Variants in TSR3 observed in about 807,000 individuals in gnomAD.
TSR3 encodes TSR3 ribosome maturation factor.
Under a neutral mutation model 28.1 loss-of-function variants are expected in TSR3, and 31 were observed. The observed-to-expected ratio is 1.10, with a 90% CI of 0.83 to 1.49. The LOEUF is 1.49. Ranked by LOEUF, TSR3 falls within the 40% of genes most tolerant of loss-of-function variation. The probability of loss-of-function intolerance (pLI) is 0.00; values close to 1 mark genes in which losing one functional copy is unlikely to be tolerated. For synonymous variants in TSR3, 219 were observed against 197.2 expected (o/e 1.11, Z -0.93); for missense variants, 511 against 444.0 (o/e 1.15, Z -1.36).
intron 3 of TSR3, among the ~76,000 whole-genome samples, chr16:1,350,588 C>T (rs1197063887): frequency 1.3e-5 from 2 of 152,198 alleles, no homozygotes; most frequent in South Asian, 4.1e-4. Context: ...CCCCACACAC[C>T]GGCCCTGATA....
chr16:1,351,069 G>T, intron 2 of TSR3, 69 bp from the exon 3 acceptor site: 1 of 1,502,190 alleles, frequency 6.7e-7, no homozygotes, highest in Non-Finnish European at 9.1e-7. Flanking sequence ...CCCGGAGAAT[G>T]GCCTAGCTAA....
intron 2 of TSR3, 151 bp from the exon 3 acceptor site, chr16:1,351,151 G>C: frequency 1.0e-6 from 1 of 956,612 alleles, no homozygotes; most frequent in Non-Finnish European, 1.5e-6. Flanking sequence ...TTTTGAGGCA[G>C]CTGCTTGGGG....
At position 1,351,443 on chromosome 16, in the gene TSR3, C is replaced by G. The variant is rs1164697562; in HGVS notation, c.268G>C (p.Gly90Arg). ...AGCACCAGACCGCCGAATCTGTGGCCCAGGCGCAGGCAGCGCACCAGCCCC... is the reference window on the plus strand; with the variant it reads ...AGCACCAGACCGCCGAATCTGTGGCGCAGGCGCAGGCAGCGCACCAGCCCC... ...RLGLVRCLRL[G>R]HRFGGLVLSP... The change falls in exon 2 of 6, where the codon GGC (glycine) becomes CGC (arginine). Residue 90 changes from glycine to arginine, a missense_variant. Gly to Arg is a moderately radical substitution (Grantham distance 125, BLOSUM62 -2). Transcript: ENST00000007390. 2 of 1,594,924 alleles carry G rather than the reference C, an allele frequency of 1.3e-6. No homozygotes were observed. Among genetic ancestry groups the G allele is most frequent in the Non-Finnish European group, 1.7e-6 (2 of 1,178,464 alleles).
At chr16:1,351,043 C>G (rs756097061) in intron 2 of TSR3, 43 bp from the exon 3 acceptor site, 40 of 1,585,390 alleles carry the variant, frequency 2.5e-5, no homozygotes, top group Non-Finnish European at 3.3e-5. Context: ...CCAGCACTAC[C>G]CAAGGTGGAG....
Position 1,349,306 on chromosome 16 carries a change from T to C in TSR3, c.*131A>G. ...ACACAGAGCACAGCTGTGCTGGAAG[T>C]GTGGGGAGAACCCGGACAGCTCAGT... On this transcript the variant is annotated 3_prime_UTR_variant, in exon 6 of 6. Coordinates refer to ENST00000007390, the MANE Select transcript of TSR3 (RefSeq NM_001001410.3). The C allele has an allele frequency of 1.0e-6, 1 of 988,762 alleles. No individual in the cohort carries two copies. The allele number at this position is 988,762 out of a possible 1,614,324, so 61.2% of individuals were successfully genotyped here.
chr16:1,351,658 A>G (rs772713427), intron 1 of TSR3, 35 bp downstream of exon 1: 1 of 1,412,070 alleles, frequency 7.1e-7, no homozygotes, highest in Non-Finnish European at 9.2e-7. Context: ...AGGCCCTCAA[A>G]CCCTGACCCG....
At position 1,350,873 on chromosome 16, in the gene TSR3, C is replaced by T. The variant is rs755260594; in HGVS notation, c.460G>A (p.Val154Met). Residue 154 changes from valine to methionine, a missense_variant, in exon 3 of 6, where the codon GTG becomes ATG. Physicochemically the swap from Val to Met is conservative, Grantham distance 21. Transcript: ENST00000007390. Reference protein sequence around the residue: ...LLPYLVAANPVNYGRPYRLSC... With the variant: ...LLPYLVAANPMNYGRPYRLSC... ...AGTCTGTAGGGCCGGCCATAGTTCA[C>T]GGGGTTGGCGGCCACCAGGTAGGGC... The T allele has an allele frequency of 2.5e-6, 4 of 1,613,056 alleles. No homozygotes were observed. The highest frequency in any genetic ancestry group is 3.4e-6 in the Non-Finnish European group (4 of 1,179,996).
At position 1,350,204 on chromosome 16, in the gene TSR3, C is replaced by G; in HGVS notation, c.557G>C (p.Arg186Pro). 1 of 1,602,634 alleles carries G rather than the reference C, an allele frequency of 6.2e-7. No individual in the cohort carries two copies. Among genetic ancestry groups the G allele is most frequent in the East Asian group, 2.2e-5 (1 of 44,812 alleles). Reference sequence around the variant, plus strand: ...GAAGCCCTTGCCCCATTTAAACTTCCGCAGCAAAATGACAGCAAGGTCTGG... The same window carrying G: ...GAAGCCCTTGCCCCATTTAAACTTCGGCAGCAAAATGACAGCAAGGTCTGG... ...GFPDLAVILL[R>P]KFKWGKGFLD... The change falls in exon 4 of 6, where the codon CGG becomes CCG. Residue 186 changes from arginine (R) to proline (P), a missense_variant. Physicochemically the swap from Arg to Pro is moderately radical, Grantham distance 103 (BLOSUM62 -2). Coordinates refer to ENST00000007390, the MANE Select transcript of TSR3 (RefSeq NM_001001410.3).
chr16:1,350,776 G>A, intron 3 of TSR3, 31 bp downstream of exon 3: 1 of 1,598,598 alleles, frequency 6.3e-7, no homozygotes, highest in Non-Finnish European at 8.6e-7. Context: ...CAGGCCGCCG[G>A]GTCACACTGC....
In TSR3 at chr16:1,349,332, C is replaced by A. The variant is rs995940225; in HGVS notation, c.*105G>T. ...GTGGGGAGAACCCGGACAGCTCAGT[C>A]CTGCCAGCAGCCGCAAAGAGCCGAG... On this transcript the variant is annotated 3_prime_UTR_variant, in exon 6 of 6. Transcript: ENST00000007390. The A allele has an allele frequency of 6.1e-6, 8 of 1,320,528 alleles. No homozygotes were observed. The highest frequency in any genetic ancestry group is 8.7e-6 in the Non-Finnish European group (8 of 915,146). 81.8% of individuals were successfully genotyped at this position (1,320,528 alleles called of 1,614,324 possible).
In TSR3 at chr16:1,350,259, C is replaced by G. The variant is rs551816175; in HGVS notation, c.527-25G>C. 282 of 1,566,508 alleles carry G rather than the reference C, an allele frequency of 1.8e-4. 5 individuals carry two copies. The South Asian group carries it at 3.1e-3, about 17-fold the overall frequency. ...CCTGACGGTGTGAGAAACAGGAAACCCAAAGAAGTCGACGGTCCCCTCAAG... is the reference window on the plus strand; with the variant it reads ...CCTGACGGTGTGAGAAACAGGAAACGCAAAGAAGTCGACGGTCCCCTCAAG... On this transcript the variant is annotated intron_variant, in intron 3 of 5. Transcript: ENST00000007390.
In TSR3 at chr16:1,351,701, G is replaced by C. The variant is rs547587708; in HGVS notation, c.104C>G (p.Ala35Gly). 2 of 1,375,590 alleles carry C rather than the reference G, an allele frequency of 1.5e-6. No homozygotes were observed. The highest frequency in any genetic ancestry group is 3.8e-5 in the Admixed American group (1 of 26,484). The allele number at this position is 1,375,590 out of a possible 1,614,324, so 85.2% of individuals were successfully genotyped here. Reference sequence around the variant, plus strand: ...CATCACGCCTCGCTCACCCTGCAGCGCGGCGCCGACCTCCTCGGCGAAGGC... The same window carrying C: ...CATCACGCCTCGCTCACCCTGCAGCCCGGCGCCGACCTCCTCGGCGAAGGC... Reference protein sequence around the residue: ...LEAFAEEVGAALQASVEPGAA... With the variant: ...LEAFAEEVGAGLQASVEPGAA... The change falls in exon 1 of 6, where the codon GCG becomes GGG. Residue 35 changes from alanine to glycine, a missense_variant. Ala to Gly is a moderately conservative substitution (Grantham distance 60). Transcript: ENST00000007390.
At chr16:1,351,272 C>CACGTGGGTGTGG (rs1349005624) in intron 2 of TSR3, 107 bp downstream of exon 2, 3 of 1,251,206 alleles carry the variant, frequency 2.4e-6, no homozygotes, top group Non-Finnish European at 3.3e-6. Context: ...GTTCCCTGCC[C>CACGTGGGTGTGG]ACGTGGGTGT....
chr16:1,349,650 C>T, intron 5 of TSR3, 42 bp from the exon 6 acceptor site: 2 of 1,551,090 alleles, frequency 1.3e-6, no homozygotes, highest in Non-Finnish European at 8.7e-7. Flanking sequence ...GACGTCCTCC[C>T]TGGCTAGCTG....
Position 1,350,852 on chromosome 16 carries a change from T to G in TSR3, c.481A>C (p.Arg161=). 1.2e-6 allele frequency: 2 copies of G among 1,612,976 alleles called. No individual in the cohort carries two copies. Among genetic ancestry groups the G allele is most frequent in the South Asian group, 2.2e-5 (2 of 91,082 alleles). ...GCAAACGCTTCCACGCAGGAAAGTCTGTAGGGCCGGCCATAGTTCACGGGG... is the reference window on the plus strand; with the variant it reads ...GCAAACGCTTCCACGCAGGAAAGTCGGTAGGGCCGGCCATAGTTCACGGGG... The part of the protein sequence containing the change: ...ANPVNYGRPY[R]LSCVEAFAAT... Residue 161 remains arginine (R), a synonymous_variant, in exon 3 of 6, where the codon AGA becomes CGA. Transcript: ENST00000007390.
rs769692337 is a variant in TSR3, at chr16:1,349,461, T to A, written c.915A>T (p.Gly305=). The A allele has an allele frequency of 2.0e-5, 32 of 1,613,586 alleles. No homozygotes were observed. In the South Asian group the frequency reaches 3.0e-4, roughly 15 times the overall value. The change falls in exon 6 of 6, where the codon GGA becomes GGT. Residue 305 remains glycine (G), a synonymous_variant. Coordinates refer to ENST00000007390, the MANE Select transcript of TSR3 (RefSeq NM_001001410.3). ...EARAPAEVWK[G]IKKRQRD The stretch of plus-strand genomic sequence containing the variant: ...CTCAGTCTCTCTGCCGTTTCTTGAT[T>A]CCTTTCCAAACCTCAGCCGGGGCCC...
chr16:1,351,580 GC>G lies in TSR3; in HGVS notation c.130del (p.Ala44ArgfsTer55), dbSNP rs1169861747. 3 of 1,474,122 alleles carry G rather than the reference GC, an allele frequency of 2.0e-6. No individual in the cohort carries two copies. Among genetic ancestry groups the G allele is most frequent in the East Asian group, 2.9e-5 (1 of 33,988 alleles). The allele number at this position is 1,474,122 out of a possible 1,614,324, so 91.3% of individuals were successfully genotyped here. On this transcript the variant is annotated frameshift_variant, in exon 2 of 6. Transcript: ENST00000007390. LOFTEE classifies it high-confidence loss of function. ...GCCCGGGCCGCCCTCGCCGTCAGCC[GC>G]CCCTGGCTCCACGGAAGCTGCACGA... ...AALQASVEPG[A>X]ADGEGGPGPA...
At position 1,351,829 on chromosome 16, in the gene TSR3, C is replaced by T. The variant is rs1032389243; in HGVS notation, c.-25G>A. 6 of 1,292,692 alleles carry T rather than the reference C, an allele frequency of 4.6e-6. No individual in the cohort carries two copies. In the Admixed American group the frequency reaches 1.3e-4, roughly 28 times the overall value. The allele number at this position is 1,292,692 out of a possible 1,614,324, so 80.1% of individuals were successfully genotyped here. A position where few individuals can be genotyped will look rare whatever the true frequency, so the allele number is the denominator to read the frequency against. ...TGGCGCGGACCTGGGGTGCCGGGGA[C>T]TCCCCACCCCACGGCCGCGCCCCTC... is the stretch of plus-strand genomic sequence containing the variant. On this transcript the variant is annotated 5_prime_UTR_variant, in exon 1 of 6. Transcript: ENST00000007390.
rs753401776 is a variant in TSR3 at position 1,351,413 on chromosome 16, G to A, written c.298C>T (p.Pro100Ser). The A allele has an allele frequency of 1.3e-6, 2 of 1,595,486 alleles. No homozygotes were observed. The highest frequency in any genetic ancestry group is 1.1e-5 in the South Asian group (1 of 90,794). The change falls in exon 2 of 6, where the codon CCC becomes TCC. Residue 100 changes from proline (P) to serine (S), a missense_variant. By Grantham distance (74) the Pro-to-Ser change is moderately conservative. Transcript: ENST00000007390. ...GGGGACGCGTACTGCTTGCCCACGG[G>A]GCTCAGCACCAGACCGCCGAATCTG... Reference protein sequence around the residue: ...GHRFGGLVLSPVGKQYASPAD... With the variant: ...GHRFGGLVLSSVGKQYASPAD...
Sources: gnomAD v4.1 joint callset for allele counts (sites outside exome capture counted in the v4.1 genomes callset) on GRCh38, gnomAD v4.1.1 for gene constraint, MANE v1.5 for transcripts, NCBI Gene and HGNC (gene_info 2026-07-23, HGNC 2026-07-21) for gene names.